The following RNF217 variants were observed in gnomAD, a reference collection of about 807,000 sequenced individuals.
RNF217 encodes E3 ubiquitin-protein ligase RNF217.
In RNF217, 31 loss-of-function variants were observed where a neutral mutation model predicts 57.8. That is an observed-to-expected ratio of 0.54 (90% CI 0.40 to 0.72). The LOEUF is 0.72. Among genes scored for constraint, RNF217 ranks in the 30% least tolerant of loss-of-function variants. RNF217 has a pLI of 0.00. For missense variants in RNF217, 696 were observed against 708.3 expected, an observed-to-expected ratio of 0.98 and a Z score of 0.20; for synonymous variants, 313 against 294.0, an observed-to-expected ratio of 1.06 and a Z score of -0.66.
In RNF217 at chr6:125,077,853, G is replaced by T. The variant is rs559949304; in HGVS notation, c.1483+995G>T. Among the ~76,000 whole-genome samples, 19 of 152,104 alleles carry T rather than the reference G, an allele frequency of 1.2e-4. No individual in the cohort carries two copies. In the South Asian group the frequency reaches 3.9e-3, roughly 32 times the overall value. On this transcript the variant is annotated intron_variant, in intron 4 of 5. Transcript: ENST00000521654. ...ATCTTTATATCTCTCCTTAGCCCTTGGTCACTTCATGACTGTTGTGAACCA... is the reference window on the plus strand; with the variant it reads ...ATCTTTATATCTCTCCTTAGCCCTTTGTCACTTCATGACTGTTGTGAACCA...
In RNF217 at chr6:124,962,647, G is replaced by A; in HGVS notation, c.103G>A (p.Gly35Arg). The A allele has an allele frequency of 2.3e-6, 3 of 1,331,356 alleles. No homozygotes were observed. The highest frequency in any genetic ancestry group is 1.6e-5 in the African/African-American group (1 of 64,442). 82.5% of individuals were successfully genotyped at this position (1,331,356 alleles called of 1,614,324 possible). A position where few individuals can be genotyped will look rare whatever the true frequency, so the allele number is the denominator to read the frequency against. Residue 35 changes from glycine (G) to arginine (R), a missense_variant, in exon 1 of 6, where the codon GGG becomes AGG. Physicochemically the swap from Gly to Arg is moderately radical, Grantham distance 125 (BLOSUM62 -2). Transcript: ENST00000521654. The surrounding 1 kb of genome is among the most constrained non-coding windows in gnomAD (Gnocchi z 4.6). ...AGHPEPPRPQGDSARAPPLRA... is the reference protein window; with the variant it reads ...AGHPEPPRPQRDSARAPPLRA... The stretch of plus-strand genomic sequence containing the variant: ...CCACCCTGAGCCCCCGAGGCCTCAG[G>A]GGGACAGCGCCCGGGCGCCCCCGCT...
chr6:124,986,163 A>G (rs1480817798), intron 1 of RNF217, among the ~76,000 whole-genome samples: 4 of 152,214 alleles, frequency 2.6e-5, no homozygotes, highest in Non-Finnish European at 4.4e-5. Context: ...CCTTCCAAGT[A>G]TAAATAATGC....
intron 1 of RNF217, among the ~76,000 whole-genome samples, chr6:124,986,173 C>T (rs1784357744): frequency 6.6e-6 from 1 of 152,142 alleles, no homozygotes; most frequent in African/African-American, 2.4e-5. Flanking sequence ...ATAAATAATG[C>T]ATTTGTTTTC....
In RNF217 at chr6:125,077,505, C is replaced by T. The variant is rs186678536; in HGVS notation, c.1483+647C>T. The stretch of plus-strand genomic sequence containing the variant: ...CTCAACAACACATAGTAGCCTCATA[C>T]ACAACCCCTTCCCACACTGGTACAC... On this transcript the variant is annotated intron_variant, in intron 4 of 5. Transcript: ENST00000521654. Among the ~76,000 whole-genome samples the T allele has an allele frequency of 5.3e-5, 8 of 152,298 alleles. No individual in the cohort carries two copies. The East Asian group carries it at 1.5e-3, about 29-fold the overall frequency.
In RNF217 at chr6:124,963,075, C is replaced by A; in HGVS notation, c.531C>A (p.Pro177=). 6.4e-7 allele frequency: 1 copy of A among 1,557,080 alleles called. No homozygotes were observed. Among genetic ancestry groups the A allele is most frequent in the South Asian group, 1.2e-5 (1 of 86,520 alleles). Reference sequence around the variant, plus strand: ...TGGAGAGCGACCTGCCCGAGGCCCCCGCCTCGGAGCAGCTCTCGCCGCCCG... The same window carrying A: ...TGGAGAGCGACCTGCCCGAGGCCCCAGCCTCGGAGCAGCTCTCGCCGCCCG... ...YCVESDLPEA[P]ASEQLSPPAS... Residue 177 remains proline, a synonymous_variant, in exon 1 of 6, where the codon CCC becomes CCA. Transcript: ENST00000521654.
At chr6:125,043,784 A>G (rs1786979120) in intron 1 of RNF217, among the ~76,000 whole-genome samples, 2 of 152,192 alleles carry the variant, frequency 1.3e-5, no homozygotes, top group East Asian at 1.9e-4. Flanking sequence ...AAAATAGAAA[A>G]AAGTGTTTGG....
intron 1 of RNF217, among the ~76,000 whole-genome samples, chr6:125,040,916 A>G (rs1377200315): frequency 6.6e-6 from 1 of 152,156 alleles, no homozygotes; most frequent in Non-Finnish European, 1.5e-5. Context: ...TTAACTCTCA[A>G]TAAATTAGGT....
intron 1 of RNF217, among the ~76,000 whole-genome samples, chr6:125,004,064 G>GT (rs11451710): frequency 0.89 from 135,754 of 152,146 alleles, 62,709 homozygotes; most frequent in East Asian, 1. Flanking sequence ...AGGGGTTACA[G>GT]TTTTTTTCTT....
chr6:125,024,124 G>C (rs1331007697), intron 1 of RNF217, among the ~76,000 whole-genome samples: 1 of 152,152 alleles, frequency 6.6e-6, no homozygotes, highest in African/African-American at 2.4e-5. Context: ...ATGAAACAAA[G>C]AGTACTCCAA....
chr6:124,989,190 T>A (rs907193351), intron 1 of RNF217, among the ~76,000 whole-genome samples: 3 of 152,170 alleles, frequency 2.0e-5, no homozygotes, highest in Non-Finnish European at 4.4e-5. Context: ...TCACTTTACT[T>A]TTAGTTGGCA....
At chr6:124,963,543 T>TC in intron 1 of RNF217, 117 bp downstream of exon 1, 1 of 1,201,086 alleles carries the variant, frequency 8.3e-7, no homozygotes, top group Non-Finnish European at 1.1e-6. Flanking sequence ...TTACTGAGGA[T>TC]CTCTGTTAGT....
intron 1 of RNF217, among the ~76,000 whole-genome samples, chr6:124,980,657 CT>C (rs1369757715): frequency 6.6e-6 from 1 of 151,920 alleles, no homozygotes; most frequent in Admixed American, 6.6e-5. Flanking sequence ...CATACAATAG[CT>C]GTTTTGATCG....
intron 1 of RNF217, among the ~76,000 whole-genome samples, chr6:124,972,664 T>C (rs1170207132): frequency 6.6e-6 from 1 of 152,160 alleles, no homozygotes; most frequent in South Asian, 2.1e-4. Context: ...TTTAGTGATA[T>C]GAAGTTCTGT....
intron 3 of RNF217, among the ~76,000 whole-genome samples, chr6:125,062,349 T>A (rs2114600360): frequency 6.6e-6 from 1 of 152,248 alleles, no homozygotes; most frequent in East Asian, 1.9e-4. Flanking sequence ...AATCAAAATT[T>A]TTATTTATAA....
chr6:125,057,425 A>C (rs573370107), intron 2 of RNF217, among the ~76,000 whole-genome samples: 9 of 152,234 alleles, frequency 5.9e-5, no homozygotes, highest in African/African-American at 2.2e-4. Context: ...CAAGTGATCT[A>C]GCCGCCTCAG....
In RNF217 at chr6:125,083,488, G is replaced by A. The variant is rs1788677533; in HGVS notation, c.*551G>A. The A allele has an allele frequency of 6.6e-6, 1 of 152,144 alleles. No individual in the cohort carries two copies. The highest frequency in any genetic ancestry group is 6.6e-5 in the Admixed American group (1 of 15,244). 9.4% of individuals were successfully genotyped at this position (152,144 alleles called of 1,614,324 possible). A position where few individuals can be genotyped will look rare whatever the true frequency, so the allele number is the denominator to read the frequency against. On this transcript the variant is annotated 3_prime_UTR_variant, in exon 6 of 6. Coordinates refer to ENST00000521654, the MANE Select transcript of RNF217 (RefSeq NM_001286398.3). ...AAAATCTCAATGTCCAAAAGGGAAT[G>A]AGTGAAACTAAATTAATGAGAAGAA... is the stretch of plus-strand genomic sequence containing the variant.
chr6:124,973,669 A>G (rs531109692), intron 1 of RNF217, among the ~76,000 whole-genome samples: 1 of 152,316 alleles, frequency 6.6e-6, no homozygotes, highest in Admixed American at 6.5e-5. Flanking sequence ...AATGGCAGAA[A>G]CCCCAATGAC....
intron 1 of RNF217, among the ~76,000 whole-genome samples, chr6:125,035,563 A>G (rs1015439833): frequency 1.3e-5 from 2 of 152,184 alleles, no homozygotes; most frequent in Non-Finnish European, 2.9e-5. Flanking sequence ...CTGGATATAC[A>G]AAACTTGTCA....
At chr6:125,073,333 G>A (rs1188227301) in intron 3 of RNF217, among the ~76,000 whole-genome samples, 4 of 152,148 alleles carry the variant, frequency 2.6e-5, no homozygotes, top group African/African-American at 9.7e-5. Flanking sequence ...GTAAGTGCTG[G>A]ACTAGGAGCT....
Sources: allele counts gnomAD v4.1 joint callset (sites outside exome capture counted in the v4.1 genomes callset), GRCh38; gene constraint gnomAD v4.1.1; non-coding constraint Gnocchi (gnomAD v3.1); transcripts MANE v1.5; gene names NCBI Gene and HGNC (gene_info 2026-07-23, HGNC 2026-07-21).